ETV6: variants seen among roughly 807,000 people sequenced by gnomAD.
ETV6 encodes the protein transcription factor ETV6.
A neutral mutation model predicts 51.1 loss-of-function variants in ETV6; 16 were observed. The observed-to-expected ratio is 0.31, with a 90% CI of 0.21 to 0.48. The LOEUF is 0.48. Ranked by LOEUF, ETV6 falls within the 20% of genes least tolerant of loss-of-function variation. The probability of loss-of-function intolerance (pLI) is 0.99; values close to 1 mark genes in which losing one functional copy is unlikely to be tolerated. For missense variants in ETV6, 458 were observed against 594.8 expected (o/e 0.77, Z 2.39); for synonymous variants, 240 against 224.1 (o/e 1.07, Z -0.64).
chr12:11,882,326 G>A (rs965496756), intron 5 of ETV6, among the ~76,000 whole-genome samples: 1 of 152,142 alleles, frequency 6.6e-6, no homozygotes, highest in African/African-American at 2.4e-5. Flanking sequence ...GTTCTGGAAA[G>A]TCCTAAGATT....
chr12:11,685,825 TAAAAG>T (rs1864618640), intron 1 of ETV6, among the ~76,000 whole-genome samples: 1 of 152,220 alleles, frequency 6.6e-6, no homozygotes, highest in Non-Finnish European at 1.5e-5. Flanking sequence ...TCTCAGCCAT[TAAAAG>T]AAGAATTTGA....
At chr12:11,817,535 T>C (rs553925420) in intron 2 of ETV6, among the ~76,000 whole-genome samples, 1 of 152,280 alleles carries the variant, frequency 6.6e-6, no homozygotes, top group South Asian at 2.1e-4. Context: ...CTCTATGGAG[T>C]AATTTCCACT....
In ETV6 at chr12:11,686,891, C is replaced by A. The variant is rs185689597; in HGVS notation, c.33+36731C>A. Among the ~76,000 whole-genome samples the A allele has an allele frequency of 4.7e-3, 707 of 150,940 alleles. 5 individuals carry two copies. The highest frequency in any genetic ancestry group is 0.016 in the African/African-American group (670 of 41,210). Reference sequence around the variant, plus strand: ...TTTGCTTGGCAATACCTTTTTTTTTCTTTCTTTTCTATTTTAGACAGAGTG... The same window carrying A: ...TTTGCTTGGCAATACCTTTTTTTTTATTTCTTTTCTATTTTAGACAGAGTG... On this transcript the variant is annotated intron_variant, in intron 1 of 7. Coordinates refer to ENST00000396373, the MANE Select transcript of ETV6 (RefSeq NM_001987.5).
chr12:11,836,570 T>C (rs1319415887), intron 2 of ETV6, among the ~76,000 whole-genome samples: 7 of 152,166 alleles, frequency 4.6e-5, no homozygotes, highest in African/African-American at 1.2e-4. Flanking sequence ...AGAGAAACTG[T>C]TGTGCTTAAC....
rs370260702 is a variant in ETV6 at position 11,751,308 on chromosome 12, C to G, written c.34-1142C>G. On this transcript the variant is annotated intron_variant, in intron 1 of 7. Coordinates refer to ENST00000396373, the MANE Select transcript of ETV6 (RefSeq NM_001987.5). The stretch of plus-strand genomic sequence containing the variant: ...TTCCAAAACGTAAACACTGCCTTCC[C>G]TTTACTTAAATGTACGATTTTCTTT... The G allele has an allele frequency of 3.5e-5, 18 of 518,272 alleles. No individual in the cohort carries two copies. The East Asian group carries it at 7.6e-4, about 22-fold the overall frequency. 32.1% of individuals were successfully genotyped at this position (518,272 alleles called of 1,614,324 possible). A position where few individuals can be genotyped will look rare whatever the true frequency, so the allele number is the denominator to read the frequency against.
At position 11,834,530 on chromosome 12, in the gene ETV6, C is replaced by A. The variant is rs556830788; in HGVS notation, c.164-4610C>A. 2.6e-5 allele frequency among the ~76,000 whole-genome samples: 4 copies of A among 152,266 alleles called. 1 individual carries two copies. The highest frequency in any genetic ancestry group is 9.6e-5 in the African/African-American group (4 of 41,554). On this transcript the variant is annotated intron_variant, in intron 2 of 7. Coordinates refer to ENST00000396373, the MANE Select transcript of ETV6 (RefSeq NM_001987.5). ...AGAGAATGCAACAGACTTCACTGGG[C>A]TTTTGTGAGAATTACATGAGGTAAT...
At chr12:11,704,867 A>C (rs1438907338) in intron 1 of ETV6, among the ~76,000 whole-genome samples, 4 of 152,172 alleles carry the variant, frequency 2.6e-5, no homozygotes, top group Non-Finnish European at 5.9e-5. Context: ...TTAAGCCTTA[A>C]AAAAGGAGAT....
At chr12:11,859,808 G>A (rs1440717567) in intron 4 of ETV6, among the ~76,000 whole-genome samples, 6 of 152,162 alleles carry the variant, frequency 3.9e-5, no homozygotes, top group Non-Finnish European at 7.3e-5. Flanking sequence ...AGATGAGAAC[G>A]CCAAAGCAGT....
intron 1 of ETV6, among the ~76,000 whole-genome samples, chr12:11,703,992 A>G (rs1865029059): frequency 1.3e-5 from 2 of 152,252 alleles, no homozygotes; most frequent in African/African-American, 2.4e-5. Context: ...AAGACAAGTT[A>G]TCTAGTGGAG....
Position 11,851,168 on chromosome 12 carries a change from C to A in ETV6, c.329-2259C>A, listed in dbSNP as rs565854105. 5.3e-5 allele frequency among the ~76,000 whole-genome samples: 8 copies of A among 152,200 alleles called. No homozygotes were observed. The East Asian group carries it at 1.5e-3, about 29-fold the overall frequency. ...CTGGTTAAGTGAACCAAGCTGAACACCCTCACAGACACTAAATTTATATTT... is the reference window on the plus strand; with the variant it reads ...CTGGTTAAGTGAACCAAGCTGAACAACCTCACAGACACTAAATTTATATTT... On this transcript the variant is annotated intron_variant, in intron 3 of 7. Transcript: ENST00000396373.
At chr12:11,687,445 G>C (rs778718553) in intron 1 of ETV6, among the ~76,000 whole-genome samples, 109 of 152,048 alleles carry the variant, frequency 7.2e-4, no homozygotes, top group Non-Finnish European at 1.4e-3. Context: ...GCCTCCCAAA[G>C]TGCCGACATT....
At chr12:11,880,386 C>T (rs952443957) in intron 5 of ETV6, among the ~76,000 whole-genome samples, 3 of 152,146 alleles carry the variant, frequency 2.0e-5, no homozygotes, top group African/African-American at 4.8e-5. Context: ...GATAGGGAAA[C>T]GGTGTTCTCT....
At chr12:11,784,371 A>C (rs1220204200) in intron 2 of ETV6, among the ~76,000 whole-genome samples, 5 of 151,180 alleles carry the variant, frequency 3.3e-5, no homozygotes, top group Non-Finnish European at 7.4e-5. Flanking sequence ...AGGTGGGAAG[A>C]TTGCTTGAAC....
At chr12:11,702,400 A>G (rs1865000183) in intron 1 of ETV6, among the ~76,000 whole-genome samples, 1 of 152,204 alleles carries the variant, frequency 6.6e-6, no homozygotes, top group Non-Finnish European at 1.5e-5. Context: ...GATTTGTACA[A>G]GATAGCTGGA....
At chr12:11,842,247 T>C (rs539873338) in intron 3 of ETV6, among the ~76,000 whole-genome samples, 36 of 152,200 alleles carry the variant, frequency 2.4e-4, no homozygotes, top group African/African-American at 6.7e-4. Context: ...TTCAAACTGG[T>C]GGACTGTCTC....
At chr12:11,843,424 C>G (rs1946417941) in intron 3 of ETV6, among the ~76,000 whole-genome samples, 1 of 152,226 alleles carries the variant, frequency 6.6e-6, no homozygotes, top group African/African-American at 2.4e-5. Context: ...CCTGGCCCTT[C>G]ACAAATCACG....
At chr12:11,761,769 CTG>C (rs1415211173) in intron 2 of ETV6, among the ~76,000 whole-genome samples, 2 of 152,234 alleles carry the variant, frequency 1.3e-5, no homozygotes, top group Non-Finnish European at 2.9e-5. Context: ...TCTCTCAGGA[CTG>C]TGGTTTCCAC....
At chr12:11,804,881 G>A (rs965772758) in intron 2 of ETV6, among the ~76,000 whole-genome samples, 2 of 152,140 alleles carry the variant, frequency 1.3e-5, no homozygotes, top group Admixed American at 6.5e-5. Flanking sequence ...TTTTGGGAAG[G>A]CAAGTTTGTC....
intron 2 of ETV6, chr12:11,769,094 G>C (rs1945204203): frequency 2.6e-6 from 1 of 386,622 alleles, no homozygotes; most frequent in Non-Finnish European, 5.1e-6. Flanking sequence ...AGCACCTACT[G>C]TGCCCAGTAG....
Sources: allele counts gnomAD v4.1 joint callset (sites outside exome capture counted in the v4.1 genomes callset), GRCh38; gene constraint gnomAD v4.1.1; transcripts MANE v1.5; gene names NCBI Gene and HGNC (gene_info 2026-07-23, HGNC 2026-07-21).